MGA: variants seen among roughly 807,000 people sequenced by gnomAD.
The protein encoded by MGA is MAX gene-associated protein.
MGA carries 40 observed loss-of-function variants against 261.1 expected under a neutral mutation model. The observed-to-expected ratio is 0.15, with a 90% CI of 0.12 to 0.20. The LOEUF (loss-of-function observed/expected upper bound fraction) is 0.20. Ranked by LOEUF, MGA falls within the 10% of genes least tolerant of loss-of-function variation. MGA has a pLI of 1.00. For missense variants in MGA, 3,397 were observed against 3,630.5 expected (o/e 0.94, Z 1.65); for synonymous variants, 1,302 against 1,290.6 (o/e 1.01, Z -0.19).
intron 1 of MGA, among the ~76,000 whole-genome samples, chr15:41,665,500 C>G (rs924781220): frequency 6.6e-6 from 1 of 151,694 alleles, no homozygotes; most frequent in Non-Finnish European, 1.5e-5. Context: ...CTCGAGGGAT[C>G]CTCTCACCTC....
At chr15:41,685,368 T>C (rs2058900857) in intron 2 of MGA, among the ~76,000 whole-genome samples, 1 of 152,224 alleles carries the variant, frequency 6.6e-6, no homozygotes, top group African/African-American at 2.4e-5. Flanking sequence ...TTAATGGTAG[T>C]AGATTTATAA....
chr15:41,733,785 C>T (rs770746767), intron 11 of MGA, among the ~76,000 whole-genome samples: 2 of 152,052 alleles, frequency 1.3e-5, no homozygotes, highest in Non-Finnish European at 2.9e-5. Context: ...GGCAGAATGC[C>T]TGTTAATAGA....
intron 2 of MGA, among the ~76,000 whole-genome samples, chr15:41,687,544 TGA>T (rs2059034631): frequency 6.6e-6 from 1 of 152,184 alleles, no homozygotes; most frequent in South Asian, 2.1e-4. Flanking sequence ...CTTAGATAAT[TGA>T]TTTTAGACTT....
At chr15:41,623,287 T>A (rs2056353999) in intron 1 of MGA, among the ~76,000 whole-genome samples, 1 of 152,258 alleles carries the variant, frequency 6.6e-6, no homozygotes, top group Admixed American at 6.5e-5. Flanking sequence ...ATAATCAAAA[T>A]ATAAGTAGCA....
chr15:41,714,205 A>G (rs532414506), intron 9 of MGA, among the ~76,000 whole-genome samples: 11 of 152,286 alleles, frequency 7.2e-5, no homozygotes, highest in Non-Finnish European at 8.8e-5. Flanking sequence ...GTTCATTTCA[A>G]TCAGAGATGA....
At chr15:41,682,904 T>A (rs537009599) in intron 2 of MGA, among the ~76,000 whole-genome samples, 1 of 152,354 alleles carries the variant, frequency 6.6e-6, no homozygotes, top group South Asian at 2.1e-4. Context: ...CATAGAATTT[T>A]AAGATGTTTA....
At chr15:41,670,105 G>C in intron 2 of MGA, 147 bp downstream of exon 2, 1 of 686,456 alleles carries the variant, frequency 1.5e-6, no homozygotes, top group Non-Finnish European at 2.4e-6. Context: ...TTTACATTCT[G>C]TGAAGTGACA....
chr15:41,732,998 A>G (rs1453583228), intron 11 of MGA, among the ~76,000 whole-genome samples: 2 of 151,990 alleles, frequency 1.3e-5, no homozygotes, highest in Non-Finnish European at 2.9e-5. Context: ...TCGCTCAGCC[A>G]CCCAGGCTGG....
intron 2 of MGA, chr15:41,691,670 T>C (rs761625995): frequency 3.9e-6 from 2 of 517,152 alleles, no homozygotes; most frequent in African/African-American, 1.9e-5. Flanking sequence ...TCTTCAATTT[T>C]AAAGGCTTCT....
chr15:41,647,446 CTG>C (rs71815195), intron 1 of MGA, among the ~76,000 whole-genome samples: 4,953 of 152,244 alleles, frequency 0.033, 133 homozygotes, highest in South Asian at 0.07. Flanking sequence ...ACTTATGAAA[CTG>C]TGTAGTTCCT....
chr15:41,727,451 G>C, intron 10 of MGA, 45 bp downstream of exon 10: 1 of 1,546,114 alleles, frequency 6.5e-7, no homozygotes, highest in Non-Finnish European at 8.9e-7. Context: ...CCAAAGTCAT[G>C]TGTAAAGATG....
At chr15:41,721,426 C>T (rs1313361922) in intron 9 of MGA, among the ~76,000 whole-genome samples, 2 of 152,252 alleles carry the variant, frequency 1.3e-5, no homozygotes, top group South Asian at 2.1e-4. Context: ...CGAGATTGTG[C>T]CACTGCACTC....
upstream of MGA, among the ~76,000 whole-genome samples, chr15:41,658,629 A>G (rs755429403): frequency 6.6e-6 from 1 of 151,412 alleles, no homozygotes; most frequent in Admixed American, 6.6e-5. Flanking sequence ...GGTTAGGCGG[A>G]CTCCACTTTG....
intron 23 of MGA, 70 bp downstream of exon 23, chr15:41,765,132 A>T: frequency 2.6e-6 from 4 of 1,535,792 alleles, no homozygotes; most frequent in Non-Finnish European, 3.6e-6. Context: ...TGACCAAGGA[A>T]GGCTTTGGAT....
At chr15:41,660,748 C>G (rs2057341370) in intron 1 of MGA, among the ~76,000 whole-genome samples, 1 of 152,208 alleles carries the variant, frequency 6.6e-6, no homozygotes, top group Non-Finnish European at 1.5e-5. Flanking sequence ...CCCGGCCTCA[C>G]TTCCGCGTCG....
At chr15:41,689,365 T>C (rs903899804) in intron 2 of MGA, among the ~76,000 whole-genome samples, 2 of 150,900 alleles carry the variant, frequency 1.3e-5, no homozygotes, top group Non-Finnish European at 3.0e-5. Flanking sequence ...CCTCCCTTCC[T>C]TTCTCCCTTT....
In MGA at chr15:41,682,802, C is replaced by T. The variant is rs78763994; in HGVS notation, c.1064+12844C>T. Among the ~76,000 whole-genome samples, 213 of 150,712 alleles carry T rather than the reference C, an allele frequency of 1.4e-3. 1 individual carries two copies. The highest frequency in any genetic ancestry group is 4.8e-3 in the African/African-American group (191 of 40,108). ...GGCCTCATGTACGTTCTTTTGTGTC[C>T]TGTATCTTAAGCTGTCTTTACTGGT... On this transcript the variant is annotated intron_variant, in intron 2 of 23. Coordinates refer to ENST00000219905, the MANE Select transcript of MGA (RefSeq NM_001164273.2).
At chr15:41,696,045 T>C (rs369860822) in intron 2 of MGA, 30 bp from the exon 3 acceptor site, 13 of 1,493,436 alleles carry the variant, frequency 8.7e-6, no homozygotes, top group African/African-American at 1.4e-5. Flanking sequence ...TTTTGTACTT[T>C]TAAAATCCCT....
At chr15:41,656,193 A>T (rs181947800), upstream of MGA, among the ~76,000 whole-genome samples, 35 of 152,252 alleles carry the variant, frequency 2.3e-4, no homozygotes, top group African/African-American at 8.2e-4. Flanking sequence ...AAGAAAATAC[A>T]TTTAAACTTA....
Sources: gnomAD v4.1 joint callset for allele counts (sites outside exome capture counted in the v4.1 genomes callset) on GRCh38, gnomAD v4.1.1 for gene constraint, MANE v1.5 for transcripts, NCBI Gene and HGNC (gene_info 2026-07-23, HGNC 2026-07-21) for gene names.